FGF1: variants seen among roughly 807,000 people sequenced by gnomAD.
FGF1 encodes the protein beta-endothelial cell growth factor.
In FGF1, 9 loss-of-function variants were observed where a neutral mutation model predicts 13.4. The observed-to-expected ratio is 0.67, with a 90% CI of 0.40 to 1.17. FGF1 has a LOEUF of 1.17. Ranked by LOEUF, FGF1 falls within the 50% of genes most tolerant of loss-of-function variation. The pLI, the probability that FGF1 is intolerant of heterozygous loss-of-function variation, is 0.01. For synonymous variants in FGF1, 93 were observed against 79.0 expected (o/e 1.18, Z -0.94); for missense variants, 156 against 192.7 (o/e 0.81, Z 1.13).
intron 2 of FGF1, chr5:142,601,087 C>T (rs1484302586): frequency 1.7e-6 from 1 of 578,462 alleles, no homozygotes; most frequent in African/African-American, 1.8e-5. Context: ...CCTGAGTGCA[C>T]CTTCACGGTG....
chr5:142,659,530 G>A (rs1316584433), intron 1 of FGF1, among the ~76,000 whole-genome samples: 1 of 152,102 alleles, frequency 6.6e-6, no homozygotes, highest in Non-Finnish European at 1.5e-5. Flanking sequence ...CCTTGCATCA[G>A]TTTTAAGGGG....
chr5:142,600,842 A>G lies in FGF1; in HGVS notation c.170-37T>C, dbSNP rs548352681. The G allele has an allele frequency of 9.3e-6, 14 of 1,504,060 alleles. No homozygotes were observed. The African/African-American group carries it at 1.8e-4, about 19-fold the overall frequency. 93.2% of individuals were successfully genotyped at this position (1,504,060 alleles called of 1,614,324 possible). On this transcript the variant is annotated intron_variant, in intron 2 of 3. Transcript: ENST00000337706. ...ATAACACGAGCAAAAGTAAATAAAC[A>G]CTACGCTTTTGCCGATAGGACCCGG...
chr5:142,653,539 C>G (rs1237179587), intron 1 of FGF1, among the ~76,000 whole-genome samples: 1 of 152,154 alleles, frequency 6.6e-6, no homozygotes, highest in African/African-American at 2.4e-5. Flanking sequence ...ACGTCACGTG[C>G]CTTCCTGCCA....
intron 1 of FGF1, chr5:142,644,199 T>C (rs897277508): frequency 6.6e-6 from 1 of 152,136 alleles, no homozygotes; most frequent in African/African-American, 2.4e-5. Context: ...CCCCCAAGAG[T>C]CTGGCCAGCC....
chr5:142,666,125 C>G (rs1259340617), intron 1 of FGF1, among the ~76,000 whole-genome samples: 2 of 151,640 alleles, frequency 1.3e-5, no homozygotes, highest in Non-Finnish European at 2.9e-5. Context: ...CTGAAAAGTT[C>G]TCAGACTTGA....
chr5:142,663,647 G>C (rs1303156481), intron 1 of FGF1, among the ~76,000 whole-genome samples: 2 of 152,204 alleles, frequency 1.3e-5, no homozygotes, highest in Non-Finnish European at 2.9e-5. Flanking sequence ...GGAGGAGGGA[G>C]GTCTTGGGGT....
At chr5:142,691,364 G>C (rs949960059) in intron 2 of FGF1, among the ~76,000 whole-genome samples, 1 of 151,726 alleles carries the variant, frequency 6.6e-6, no homozygotes, top group Admixed American at 6.6e-5. Flanking sequence ...GGAGGTTGCA[G>C]TGAGCCGAGA....
chr5:142,659,689 C>G (rs914664647), intron 1 of FGF1, among the ~76,000 whole-genome samples: 1 of 152,180 alleles, frequency 6.6e-6, no homozygotes, highest in Admixed American at 6.5e-5. Flanking sequence ...ATGTGAATAA[C>G]AAAATCTTTC....
chr5:142,626,304 T>C (rs1762440184), intron 1 of FGF1, among the ~76,000 whole-genome samples: 1 of 152,200 alleles, frequency 6.6e-6, no homozygotes, highest in Admixed American at 6.5e-5. Context: ...CTCAAGGCAT[T>C]GTCTGAGTTC....
intron 1 of FGF1, among the ~76,000 whole-genome samples, chr5:142,626,584 G>A (rs926955237): frequency 2.6e-4 from 40 of 152,312 alleles, no homozygotes; most frequent in Middle Eastern, 3.4e-3. Flanking sequence ...CCCCCGGAAC[G>A]TGTACAGCCC....
chr5:142,620,430 T>G (rs1761339346), intron 1 of FGF1, among the ~76,000 whole-genome samples: 1 of 151,824 alleles, frequency 6.6e-6, no homozygotes, highest in African/African-American at 2.4e-5. Context: ...AAAAAAAAAT[T>G]GAAAACTCGT....
At chr5:142,597,755 A>G (rs565248883) in intron 3 of FGF1, among the ~76,000 whole-genome samples, 22 of 152,258 alleles carry the variant, frequency 1.4e-4, no homozygotes, top group Non-Finnish European at 3.1e-4. Context: ...ATGTGTGAGC[A>G]TGTTTGTTTC....
chr5:142,668,306 C>T (rs928916254), intron 1 of FGF1, among the ~76,000 whole-genome samples: 1 of 152,232 alleles, frequency 6.6e-6, no homozygotes, highest in Non-Finnish European at 1.5e-5. Context: ...CAGTCAAAAA[C>T]GTTTAGTTTC....
chr5:142,662,898 A>T (rs1769534805), intron 1 of FGF1, among the ~76,000 whole-genome samples: 1 of 152,108 alleles, frequency 6.6e-6, no homozygotes, highest in African/African-American at 2.4e-5. Flanking sequence ...ATCTCAGCTC[A>T]TTATAGCCTC....
At chr5:142,623,981 A>G (rs1762066966) in intron 1 of FGF1, among the ~76,000 whole-genome samples, 1 of 151,850 alleles carries the variant, frequency 6.6e-6, no homozygotes, top group Non-Finnish European at 1.5e-5. Context: ...GTGCAATGGC[A>G]CAATCTTGGC....
intron 1 of FGF1, among the ~76,000 whole-genome samples, chr5:142,620,003 A>G (rs1200051622): frequency 6.6e-6 from 1 of 152,090 alleles, no homozygotes; most frequent in African/African-American, 2.4e-5. Context: ...TTTACTAGCT[A>G]CTGTTTTTTT....
intron 3 of FGF1, among the ~76,000 whole-genome samples, chr5:142,597,108 G>A (rs908589986): frequency 3.3e-5 from 5 of 152,150 alleles, no homozygotes; most frequent in African/African-American, 1.2e-4. Flanking sequence ...AAAACCATTT[G>A]CAAGACTTAG....
chr5:142,633,405 TTCTGATGTATATG>T (rs1763677462), intron 1 of FGF1, among the ~76,000 whole-genome samples: 1 of 152,212 alleles, frequency 6.6e-6, no homozygotes, highest in Non-Finnish European at 1.5e-5. Context: ...TCTACTTCCT[TTCTGATGTATATG>T]TCTGCTCTTT....
intron 1 of FGF1, among the ~76,000 whole-genome samples, chr5:142,618,116 A>T (rs947386965): frequency 6.6e-6 from 1 of 152,058 alleles, no homozygotes; most frequent in African/African-American, 2.4e-5. Flanking sequence ...AGCCCAGCGA[A>T]CTCCGTGTCA....
Sources: allele counts gnomAD v4.1 joint callset (sites outside exome capture counted in the v4.1 genomes callset), GRCh38; gene constraint gnomAD v4.1.1; transcripts MANE v1.5; gene names NCBI Gene and HGNC (gene_info 2026-07-23, HGNC 2026-07-21).